Variants in RPGRIP1 observed in about 807,000 individuals in gnomAD.
The protein encoded by RPGRIP1 is X-linked retinitis pigmentosa GTPase regulator-interacting protein 1.
In RPGRIP1, 128 loss-of-function variants were observed where a neutral mutation model predicts 157.9. The ratio of observed to expected loss-of-function variants is 0.81; its 90% CI spans 0.70 to 0.94. The LOEUF is 0.94. RPGRIP1 is among the 40% of genes least tolerant of loss of function. RPGRIP1 has a pLI of 0.00. For synonymous variants in RPGRIP1, 554 were observed against 571.6 expected (o/e 0.97, Z 0.44); for missense variants, 1,486 against 1,545.8 (o/e 0.96, Z 0.65).
At chr14:21,338,133 G>C (rs1184256128) in intron 21 of RPGRIP1, among the ~76,000 whole-genome samples, 13 of 152,064 alleles carry the variant, frequency 8.5e-5, no homozygotes, top group African/African-American at 1.2e-4. Context: ...AGCCAGGATG[G>C]TCTCAATCTC....
chr14:21,346,321 G>A (rs1167270980), intron 23 of RPGRIP1, among the ~76,000 whole-genome samples: 2 of 152,048 alleles, frequency 1.3e-5, no homozygotes, highest in East Asian at 1.9e-4. Context: ...AGGCTGAGGC[G>A]GGCAGATCAC....
intron 21 of RPGRIP1, among the ~76,000 whole-genome samples, chr14:21,338,009 C>G (rs1053537610): frequency 2.0e-5 from 3 of 152,122 alleles, no homozygotes; most frequent in Non-Finnish European, 2.9e-5. Context: ...CTCCGCCCCC[C>G]AGGTTCAAGC....
chr14:21,318,563 C>T (rs1391091608), intron 11 of RPGRIP1, among the ~76,000 whole-genome samples: 1 of 152,180 alleles, frequency 6.6e-6, no homozygotes, highest in African/African-American at 2.4e-5. Flanking sequence ...TCAACCTCTG[C>T]CTCCCAGGTT....
chr14:21,323,143 TG>T (rs1267999062), intron 14 of RPGRIP1, among the ~76,000 whole-genome samples: 1 of 152,006 alleles, frequency 6.6e-6, no homozygotes, highest in Admixed American at 6.6e-5. Context: ...GGGACATGGC[TG>T]GGCACGGTGG....
rs767289692 is a variant in RPGRIP1, at chr14:21,303,372, TA to T, written c.631del (p.Ser211ValfsTer64). The T allele has an allele frequency of 3.1e-6, 5 of 1,613,686 alleles. No individual in the cohort carries two copies. Among genetic ancestry groups the T allele is most frequent in the Non-Finnish European group, 4.2e-6 (5 of 1,179,802 alleles). On this transcript the variant is annotated frameshift_variant, in exon 6 of 25. Coordinates refer to ENST00000400017, the MANE Select transcript of RPGRIP1 (RefSeq NM_020366.4). LOFTEE classifies it high-confidence loss of function. The part of the protein sequence containing the change: ...SNSIISFSSV[I>X]SMAKPIGLCM... ...AGCATAATTTCTTTCAGCAGTGTCA[TA>T]AGTATGGCTAAACCCATTGGTCTAT...
intron 11 of RPGRIP1, chr14:21,318,257 C>T (rs1881989226): frequency 2.8e-6 from 1 of 359,654 alleles, no homozygotes; most frequent in Admixed American, 3.9e-5. Flanking sequence ...CAAGCATGCA[C>T]TACCACGCCT....
At chr14:21,295,681 G>A in intron 3 of RPGRIP1, among the ~76,000 whole-genome samples, 1 of 151,690 alleles carries the variant, frequency 6.6e-6, no homozygotes, top group Admixed American at 6.6e-5. Flanking sequence ...TCTCCATGTT[G>A]GTCAGGCTGG....
intron 22 of RPGRIP1, among the ~76,000 whole-genome samples, chr14:21,344,584 A>G (rs1203412390): frequency 6.6e-6 from 1 of 152,228 alleles, no homozygotes; most frequent in Admixed American, 6.5e-5. Context: ...AATTTGAGAA[A>G]GTCGTGCATG....
chr14:21,300,954 A>G lies in RPGRIP1; in HGVS notation c.219-12A>G. 1 of 1,611,064 alleles carries G rather than the reference A, an allele frequency of 6.2e-7. No individual in the cohort carries two copies. The highest frequency in any genetic ancestry group is 8.5e-7 in the Non-Finnish European group (1 of 1,178,792). ...CATGAAAGGAGAAGCCACGTGCTCT[A>G]TTTGTCCACAGGCTGAGGACCACCT... is the stretch of plus-strand genomic sequence containing the variant. On this transcript the variant is annotated splice_polypyrimidine_tract_variant and intron_variant, in intron 3 of 24. Transcript: ENST00000400017.
In RPGRIP1 at chr14:21,329,664, G is replaced by T. The variant is rs892421831; in HGVS notation, c.3100-585G>T. Reference sequence around the variant, plus strand: ...TTACAGGCACGTGCCACCACACCCAGCTAATTTTTGTATTTTTAGTAGAGA... The same window carrying T: ...TTACAGGCACGTGCCACCACACCCATCTAATTTTTGTATTTTTAGTAGAGA... On this transcript the variant is annotated intron_variant, in intron 19 of 24. Transcript: ENST00000400017. Among the ~76,000 whole-genome samples the T allele has an allele frequency of 2.0e-4, 30 of 150,548 alleles. 1 individual carries two copies. Among genetic ancestry groups the T allele is most frequent in the Non-Finnish European group, 3.7e-4 (25 of 67,660 alleles).
chr14:21,328,273 T>C, intron 18 of RPGRIP1, 151 bp from the exon 19 acceptor site: 1 of 617,290 alleles, frequency 1.6e-6, no homozygotes, highest in Non-Finnish European at 2.8e-6. Context: ...AGCGAAAGCC[T>C]GGGTTTTACT....
Position 21,306,112 on chromosome 14 carries a change from C to CTTTTTTTTTTTT in RPGRIP1, c.801-1593_801-1582dup, listed in dbSNP as rs539083010. 4.5e-5 allele frequency among the ~76,000 whole-genome samples: 2 copies of CTTTTTTTTTTTT among 44,790 alleles called. 1 individual carries two copies. Among genetic ancestry groups the CTTTTTTTTTTTT allele is most frequent in the African/African-American group, 1.8e-4 (2 of 11,188 alleles). The allele number at this position is 44,790 out of a possible 152,430, so 29.4% of individuals were successfully genotyped here. A position where few individuals can be genotyped will look rare whatever the true frequency, so the allele number is the denominator to read the frequency against. ...AGCTCCTAGGTTCAGGAATAATAGT[C>CTTTTTTTTTTTT]TTTTTTTTTTTTTTTTTTTTTTTTT... On this transcript the variant is annotated intron_variant, in intron 6 of 24. Transcript: ENST00000400017.
intron 2 of RPGRIP1, among the ~76,000 whole-genome samples, chr14:21,292,386 CAAAT>C (rs775221888): frequency 1.3e-5 from 2 of 151,512 alleles, no homozygotes; most frequent in Non-Finnish European, 2.9e-5. Context: ...TTTGATGTCA[CAAAT>C]AGATAAAACC....
At chr14:21,334,381 T>C (rs1265654867) in intron 20 of RPGRIP1, among the ~76,000 whole-genome samples, 2 of 152,086 alleles carry the variant, frequency 1.3e-5, no homozygotes, top group African/African-American at 4.8e-5. Flanking sequence ...TTTCTGTTTT[T>C]CCTTCTTTCC....
intron 21 of RPGRIP1, 109 bp from the exon 22 acceptor site, chr14:21,342,927 A>T: frequency 2.7e-6 from 2 of 750,984 alleles, no homozygotes; most frequent in South Asian, 3.8e-5. Context: ...TAGATAGATT[A>T]TACCTATGGT....
intron 6 of RPGRIP1, among the ~76,000 whole-genome samples, chr14:21,304,443 G>GAAAGAAAT (rs1451923392): frequency 6.4e-5 from 9 of 139,604 alleles, no homozygotes; most frequent in Non-Finnish European, 9.4e-5. Context: ...AAGAAAGAAA[G>GAAAGAAAT]AAATTAACCT....
At chr14:21,350,174 G>A (rs1886059283) in intron 24 of RPGRIP1, among the ~76,000 whole-genome samples, 1 of 152,024 alleles carries the variant, frequency 6.6e-6, no homozygotes, top group Non-Finnish European at 1.5e-5. Flanking sequence ...TCAGGAGTTC[G>A]AGACCAGCCT....
At chr14:21,286,403 G>A (rs1444596812) in intron 1 of RPGRIP1, among the ~76,000 whole-genome samples, 1 of 150,362 alleles carries the variant, frequency 6.7e-6, no homozygotes, top group Non-Finnish European at 1.5e-5. Context: ...CCTAGGGAAA[G>A]ACTGGGAAAA....
intron 21 of RPGRIP1, among the ~76,000 whole-genome samples, chr14:21,338,810 T>A (rs1277483898): frequency 6.6e-6 from 1 of 152,256 alleles, no homozygotes. Context: ...TGCATGAATA[T>A]GGACTTCTGA....
Sources: allele counts gnomAD v4.1 joint callset (sites outside exome capture counted in the v4.1 genomes callset), GRCh38; gene constraint gnomAD v4.1.1; transcripts MANE v1.5; gene names NCBI Gene and HGNC (gene_info 2026-07-23, HGNC 2026-07-21).